Variants in DGKB observed in about 807,000 individuals in gnomAD.
DGKB encodes 90 kDa diacylglycerol kinase.
In DGKB, 67 loss-of-function variants were observed where a neutral mutation model predicts 114.3. The observed-to-expected ratio is 0.59, with a 90% CI of 0.48 to 0.72. The LOEUF (loss-of-function observed/expected upper bound fraction) is 0.72, where lower values mean the gene tolerates loss of function less well. DGKB is among the 30% of genes least tolerant of loss of function. DGKB has a pLI of 0.00. For synonymous variants in DGKB, 398 were observed against 323.1 expected (o/e 1.23, Z -2.49); for missense variants, 907 against 975.2 (o/e 0.93, Z 0.93).
At chr7:14,678,157 C>A (rs1382494301) in intron 12 of DGKB, among the ~76,000 whole-genome samples, 2 of 151,978 alleles carry the variant, frequency 1.3e-5, no homozygotes, top group Non-Finnish European at 2.9e-5. Flanking sequence ...AGTGATCTTA[C>A]TGAAGACTTT....
intron 25 of DGKB, among the ~76,000 whole-genome samples, chr7:14,152,137 A>G (rs957826218): frequency 2.6e-5 from 4 of 152,004 alleles, no homozygotes; most frequent in African/African-American, 9.7e-5. Context: ...TTTTCTATCC[A>G]CTAGAGAAAT....
chr7:14,286,069 A>C lies in DGKB; in HGVS notation c.2122+52446T>G, dbSNP rs111525028. 2.0e-3 allele frequency among the ~76,000 whole-genome samples: 308 copies of C among 152,264 alleles called. 3 individuals are homozygous for C. Among genetic ancestry groups the C allele is most frequent in the African/African-American group, 6.9e-3 (288 of 41,564 alleles). Reference sequence around the variant, plus strand: ...GATCTCCTTGCCTATTGACTCACAAAGTTTGCAATGTCAGAAATCATTATT... The same window carrying C: ...GATCTCCTTGCCTATTGACTCACAACGTTTGCAATGTCAGAAATCATTATT... On this transcript the variant is annotated intron_variant, in intron 23 of 25. Coordinates refer to ENST00000402815, the MANE Select transcript of DGKB (RefSeq NM_001350709.2).
At chr7:14,513,747 C>T (rs1788340845) in intron 20 of DGKB, among the ~76,000 whole-genome samples, 1 of 151,898 alleles carries the variant, frequency 6.6e-6, no homozygotes, top group Non-Finnish European at 1.5e-5. Flanking sequence ...TCTTTGTATA[C>T]TCCCTAGGAT....
At chr7:14,699,931 T>C (rs1325349500) in intron 7 of DGKB, among the ~76,000 whole-genome samples, 1 of 151,946 alleles carries the variant, frequency 6.6e-6, no homozygotes, top group African/African-American at 2.4e-5. Context: ...TTGACTGAAT[T>C]TTCAAATCAA....
chr7:14,351,140 T>C (rs193060467), intron 21 of DGKB, among the ~76,000 whole-genome samples: 46 of 152,342 alleles, frequency 3.0e-4, no homozygotes, highest in African/African-American at 8.9e-4. Flanking sequence ...GCAGAGTAAG[T>C]GTTTAAAGTG....
At chr7:14,354,907 A>G (rs1202801199) in intron 21 of DGKB, among the ~76,000 whole-genome samples, 1 of 152,194 alleles carries the variant, frequency 6.6e-6, no homozygotes, top group African/African-American at 2.4e-5. Flanking sequence ...GGGTGTCATG[A>G]TTCAATTATG....
chr7:14,848,736 A>G (rs1848964617), intron 1 of DGKB, among the ~76,000 whole-genome samples: 1 of 152,212 alleles, frequency 6.6e-6, no homozygotes, highest in South Asian at 2.1e-4. Context: ...GACAAGAATC[A>G]ATAACAAAAA....
intron 22 of DGKB, among the ~76,000 whole-genome samples, chr7:14,341,425 T>C (rs2128582583): frequency 6.6e-6 from 1 of 151,942 alleles, no homozygotes; most frequent in East Asian, 1.9e-4. Flanking sequence ...TAGTACTGTG[T>C]CAGATAATAT....
chr7:14,836,404 A>AT, intron 2 of DGKB, among the ~76,000 whole-genome samples: 1 of 152,346 alleles, frequency 6.6e-6, no homozygotes, highest in East Asian at 1.9e-4. Flanking sequence ...CACACATTAT[A>AT]TATAGCAAAT....
chr7:14,253,547 G>A (rs190561345), intron 23 of DGKB, among the ~76,000 whole-genome samples: 30 of 152,108 alleles, frequency 2.0e-4, no homozygotes, highest in Non-Finnish European at 4.1e-4. Flanking sequence ...AATAACTACA[G>A]CTTCCTATCC....
At chr7:14,483,070 T>G (rs191288534) in intron 20 of DGKB, among the ~76,000 whole-genome samples, 1 of 152,238 alleles carries the variant, frequency 6.6e-6, no homozygotes, top group Admixed American at 6.5e-5. Flanking sequence ...TATTAGTTTT[T>G]CTATCTCTTC....
chr7:14,874,607 C>A (rs951521368), intron 1 of DGKB, among the ~76,000 whole-genome samples: 1 of 151,640 alleles, frequency 6.6e-6, no homozygotes, highest in African/African-American at 2.4e-5. Context: ...ACACACATAT[C>A]TATATATAAA....
chr7:14,231,483 A>G (rs1791834919), intron 23 of DGKB, among the ~76,000 whole-genome samples: 1 of 151,992 alleles, frequency 6.6e-6, no homozygotes, highest in African/African-American at 2.4e-5. Flanking sequence ...AAAATAATTT[A>G]TTAGCATTTG....
chr7:14,321,002 A>G (rs117425402), intron 23 of DGKB, among the ~76,000 whole-genome samples: 1 of 152,324 alleles, frequency 6.6e-6, no homozygotes, highest in Non-Finnish European at 1.5e-5. Context: ...AAATTTAAAA[A>G]TTCAGCAGCC....
intron 23 of DGKB, among the ~76,000 whole-genome samples, chr7:14,276,526 T>C (rs936817299): frequency 1.3e-5 from 2 of 152,086 alleles, no homozygotes; most frequent in African/African-American, 4.8e-5. Flanking sequence ...CAATATTATA[T>C]ATACATCACT....
At chr7:14,633,406 A>G (rs1162567849) in intron 13 of DGKB, among the ~76,000 whole-genome samples, 1 of 151,892 alleles carries the variant, frequency 6.6e-6, no homozygotes, top group Admixed American at 6.6e-5. Flanking sequence ...TTACTCCAAG[A>G]ATAAGAGTGA....
intron 21 of DGKB, among the ~76,000 whole-genome samples, chr7:14,357,027 A>G (rs980779957): frequency 7.2e-5 from 11 of 152,178 alleles, no homozygotes; most frequent in East Asian, 3.8e-4. Context: ...TATGTGGTCA[A>G]TTTTGGAATA....
intron 21 of DGKB, among the ~76,000 whole-genome samples, chr7:14,378,340 G>A (rs1037094600): frequency 5.9e-5 from 9 of 152,066 alleles, no homozygotes; most frequent in South Asian, 2.1e-4. Context: ...CAAAAAGCAC[G>A]ATAATATTAA....
At chr7:14,698,740 C>A (rs1222198325) in intron 7 of DGKB, among the ~76,000 whole-genome samples, 1 of 152,068 alleles carries the variant, frequency 6.6e-6, no homozygotes, top group Non-Finnish European at 1.5e-5. Flanking sequence ...TATTATTCTG[C>A]TCAATTATCA....
Sources: allele counts gnomAD v4.1 joint callset (sites outside exome capture counted in the v4.1 genomes callset), GRCh38; gene constraint gnomAD v4.1.1; transcripts MANE v1.5; gene names NCBI Gene and HGNC (gene_info 2026-07-23, HGNC 2026-07-21).